Variants in RBFOX1 observed in about 807,000 individuals in gnomAD.
RBFOX1 encodes the protein RNA binding fox-1 homolog 1, also known as RNA binding protein fox-1 homolog 1.
Under a neutral mutation model 57.7 loss-of-function variants are expected in RBFOX1, and 8 were observed. The observed-to-expected ratio is 0.14, with a 90% CI of 0.08 to 0.25. The LOEUF is 0.25. RBFOX1 is among the 10% of genes least tolerant of loss of function. The pLI is 1.00. For missense variants in RBFOX1, 611 were observed against 548.5 expected, an observed-to-expected ratio of 1.11 and a Z score of -1.14; for synonymous variants, 326 against 222.4, an observed-to-expected ratio of 1.47 and a Z score of -4.15.
chr16:5,906,334 A>T (rs980174768), intron 4 of RBFOX1, among the ~76,000 whole-genome samples: 5 of 152,222 alleles, frequency 3.3e-5, no homozygotes, highest in African/African-American at 1.2e-4. Flanking sequence ...GCACGTGGGG[A>T]TAATGCAGTA....
chr16:5,988,369 G>C (rs1180031872), intron 4 of RBFOX1, among the ~76,000 whole-genome samples: 2 of 152,142 alleles, frequency 1.3e-5, no homozygotes, highest in Non-Finnish European at 2.9e-5. Context: ...AATTCAAAGT[G>C]ATTACTTTAG....
intron 4 of RBFOX1, among the ~76,000 whole-genome samples, chr16:5,967,963 T>C (rs959001958): frequency 2.0e-5 from 3 of 152,346 alleles, no homozygotes; most frequent in Non-Finnish European, 4.4e-5. Flanking sequence ...ATCATATATA[T>C]GTTACTTATG....
At chr16:7,025,686 C>T (rs565333508) in intron 3 of RBFOX1, among the ~76,000 whole-genome samples, 2 of 152,216 alleles carry the variant, frequency 1.3e-5, no homozygotes, top group East Asian at 3.9e-4. Flanking sequence ...GAAGGCCTGG[C>T]CTGGCCTCTG....
chr16:7,488,851 A>G (rs766235981), intron 4 of RBFOX1, among the ~76,000 whole-genome samples: 14 of 152,124 alleles, frequency 9.2e-5, no homozygotes, highest in Non-Finnish European at 1.8e-4. Context: ...TCCATTATCT[A>G]TCTATACATT....
chr16:6,540,997 C>T (rs889423813), intron 2 of RBFOX1, among the ~76,000 whole-genome samples: 2 of 152,068 alleles, frequency 1.3e-5, no homozygotes, highest in Non-Finnish European at 2.9e-5. Context: ...CAAAGCAGCA[C>T]GAAGAGCAAG....
At chr16:7,528,000 A>G (rs1054800198) in intron 5 of RBFOX1, among the ~76,000 whole-genome samples, 14 of 152,240 alleles carry the variant, frequency 9.2e-5, no homozygotes, top group African/African-American at 2.9e-4. Flanking sequence ...TCAATCACTC[A>G]TGTTTTAGTA....
chr16:5,883,307 AAAATCTCTCTTAC>A (rs2057810564), intron 4 of RBFOX1, among the ~76,000 whole-genome samples: 1 of 152,212 alleles, frequency 6.6e-6, no homozygotes, highest in African/African-American at 2.4e-5. Context: ...TAAAATCAGA[AAAATCTCTCTTAC>A]CCCGAAAGAG....
intron 2 of RBFOX1, among the ~76,000 whole-genome samples, chr16:6,379,580 G>C (rs1272474996): frequency 6.6e-6 from 1 of 151,838 alleles, no homozygotes; most frequent in Non-Finnish European, 1.5e-5. Context: ...GGTAATGTAT[G>C]CCAAGGGTAG....
chr16:6,463,310 C>A (rs2094962144), intron 2 of RBFOX1, among the ~76,000 whole-genome samples: 1 of 152,162 alleles, frequency 6.6e-6, no homozygotes. Flanking sequence ...CATATACTCA[C>A]ACAGATCACA....
intron 4 of RBFOX1, among the ~76,000 whole-genome samples, chr16:7,343,735 A>G (rs1603625673): frequency 1.3e-5 from 2 of 152,186 alleles, no homozygotes; most frequent in South Asian, 4.1e-4. Flanking sequence ...GCTCTAGAGC[A>G]GACTGCCTGG....
chr16:7,444,833 A>C (rs2098796101), intron 4 of RBFOX1, among the ~76,000 whole-genome samples: 1 of 152,132 alleles, frequency 6.6e-6, no homozygotes, highest in Non-Finnish European at 1.5e-5. Flanking sequence ...TGCCCCACTG[A>C]CATTTTACTC....
intron 2 of RBFOX1, among the ~76,000 whole-genome samples, chr16:5,492,094 C>G (rs559484049): frequency 1.3e-5 from 2 of 152,304 alleles, no homozygotes; most frequent in Non-Finnish European, 2.9e-5. Context: ...CCTAGACCTA[C>G]TGAGTCAGAA....
Position 5,917,985 on chromosome 16 carries a change from C to T in RBFOX1, c.351+50650C>T, listed in dbSNP as rs1039182570. Reference sequence around the variant, plus strand: ...TCTGTCACAAGTTATGCTCTCCCCACCTCTCAGATTTAGAGTGCAGCTTGA... The same window carrying T: ...TCTGTCACAAGTTATGCTCTCCCCATCTCTCAGATTTAGAGTGCAGCTTGA... On this transcript the variant is annotated intron_variant, in intron 4 of 19. Coordinates refer to the RBFOX1 transcript ENST00000641259. 1.5e-4 allele frequency among the ~76,000 whole-genome samples: 23 copies of T among 152,306 alleles called. No homozygotes were observed. In the South Asian group the frequency reaches 3.5e-3, roughly 23 times the overall value.
chr16:7,543,225 T>C (rs1214402934), intron 5 of RBFOX1, among the ~76,000 whole-genome samples: 1 of 152,230 alleles, frequency 6.6e-6, no homozygotes, highest in East Asian at 1.9e-4. Context: ...AATATGGTTT[T>C]AACAAGTATT....
chr16:6,977,118 A>C (rs1321618531), intron 3 of RBFOX1, among the ~76,000 whole-genome samples: 1 of 142,234 alleles, frequency 7.0e-6, no homozygotes, highest in Admixed American at 7.3e-5. Context: ...TATGATCTAT[A>C]TTATCATATA....
At chr16:6,534,754 G>A (rs2096712339) in intron 2 of RBFOX1, among the ~76,000 whole-genome samples, 1 of 152,160 alleles carries the variant, frequency 6.6e-6, no homozygotes, top group African/African-American at 2.4e-5. Flanking sequence ...TTTCTAAGGA[G>A]ATGGCATTTC....
chr16:7,393,805 G>A (rs1011503932), intron 4 of RBFOX1, among the ~76,000 whole-genome samples: 1 of 152,168 alleles, frequency 6.6e-6, no homozygotes, highest in African/African-American at 2.4e-5. Flanking sequence ...AGGCATCTCT[G>A]GCTAAGGTGA....
chr16:6,507,574 G>A (rs1341371896), intron 2 of RBFOX1, among the ~76,000 whole-genome samples: 1 of 151,646 alleles, frequency 6.6e-6, no homozygotes, highest in Non-Finnish European at 1.5e-5. Flanking sequence ...CCCAGGCTGA[G>A]GTGGGAGGAT....
At chr16:7,433,601 C>A (rs917144471) in intron 4 of RBFOX1, among the ~76,000 whole-genome samples, 4 of 152,198 alleles carry the variant, frequency 2.6e-5, no homozygotes, top group Admixed American at 6.5e-5. Context: ...GTGAAGCACA[C>A]TGACTTCACG....
Sources: gnomAD v4.1 joint callset for allele counts (sites outside exome capture counted in the v4.1 genomes callset) on GRCh38, gnomAD v4.1.1 for gene constraint, MANE v1.5 for transcripts, NCBI Gene and HGNC (gene_info 2026-07-23, HGNC 2026-07-21) for gene names.